LRRN1: variants seen among roughly 807,000 people sequenced by gnomAD.
LRRN1 encodes the protein leucine-rich repeat neuronal protein 1.
LRRN1 carries 14 observed loss-of-function variants against 45.8 expected under a neutral mutation model. The ratio of observed to expected loss-of-function variants is 0.31; its 90% CI spans 0.20 to 0.48. The LOEUF is 0.48. Among genes scored for constraint, LRRN1 ranks in the 20% least tolerant of loss-of-function variants. LRRN1 has a pLI of 0.99. For synonymous variants in LRRN1, 359 were observed against 330.1 expected (o/e 1.09, Z -0.95); for missense variants, 789 against 874.2 (o/e 0.90, Z 1.23).
At chr3:3,830,848 G>T (rs534721439) in intron 1 of LRRN1, among the ~76,000 whole-genome samples, 1 of 152,164 alleles carries the variant, frequency 6.6e-6, no homozygotes, top group Non-Finnish European at 1.5e-5. Flanking sequence ...GTGACCCATG[G>T]TCAAACGTTC....
intron 1 of LRRN1, chr3:3,827,157 T>G (rs1211503731): frequency 5.2e-6 from 1 of 191,966 alleles, no homozygotes; most frequent in Non-Finnish European, 1.1e-5. Flanking sequence ...TCATTCTAAT[T>G]CTCTCACAGT....
At chr3:3,827,055 C>T (rs575503313) in intron 1 of LRRN1, among the ~76,000 whole-genome samples, 2 of 152,284 alleles carry the variant, frequency 1.3e-5, no homozygotes, top group East Asian at 1.9e-4. Flanking sequence ...AGATTCAATA[C>T]GAGACATCAA....
intron 1 of LRRN1, among the ~76,000 whole-genome samples, chr3:3,830,520 T>C (rs1201709920): frequency 3.3e-5 from 5 of 152,182 alleles, no homozygotes; most frequent in Non-Finnish European, 7.3e-5. Flanking sequence ...CATTTTCAGG[T>C]GGTGTCTGCA....
intron 1 of LRRN1, 27 bp from the exon 2 acceptor site, chr3:3,844,337 T>C: frequency 3.6e-6 from 1 of 279,232 alleles, no homozygotes; most frequent in Non-Finnish European, 6.7e-6. Flanking sequence ...GGAATAAGCA[T>C]AACATCTGTC....
intron 1 of LRRN1, among the ~76,000 whole-genome samples, chr3:3,807,395 A>C (rs1431215253): frequency 6.6e-6 from 1 of 152,202 alleles, no homozygotes; most frequent in Non-Finnish European, 1.5e-5. Context: ...GGAGCGTTTT[A>C]ACTTTCCTAT....
intron 1 of LRRN1, among the ~76,000 whole-genome samples, chr3:3,832,014 G>C (rs544153800): frequency 6.6e-6 from 1 of 152,232 alleles, no homozygotes; most frequent in Non-Finnish European, 1.5e-5. Context: ...CAGGTACCAG[G>C]AGACGTGTTA....
intron 1 of LRRN1, among the ~76,000 whole-genome samples, chr3:3,802,204 G>A (rs758860102): frequency 1.3e-5 from 2 of 152,210 alleles, no homozygotes; most frequent in African/African-American, 2.4e-5. Flanking sequence ...CCTTTCTGCC[G>A]TGTCTAACAT....
At chr3:3,806,439 C>T (rs1202755020) in intron 1 of LRRN1, among the ~76,000 whole-genome samples, 1 of 152,178 alleles carries the variant, frequency 6.6e-6, no homozygotes, top group Non-Finnish European at 1.5e-5. Context: ...GACGATTTTC[C>T]ATCTAGCCTC....
At chr3:3,827,364 G>A in intron 1 of LRRN1, 1 of 449,996 alleles carries the variant, frequency 2.2e-6, no homozygotes, top group Non-Finnish European at 4.5e-6. Flanking sequence ...ATCAGCACTG[G>A]GGCCTGTAGC....
At chr3:3,826,282 T>C (rs950905092) in intron 1 of LRRN1, among the ~76,000 whole-genome samples, 3 of 152,138 alleles carry the variant, frequency 2.0e-5, no homozygotes, top group Non-Finnish European at 4.4e-5. Context: ...GAAGTAAAGT[T>C]TTCCATGACA....
chr3:3,803,262 G>T (rs970112883), intron 1 of LRRN1, among the ~76,000 whole-genome samples: 15 of 152,148 alleles, frequency 9.9e-5, no homozygotes, highest in African/African-American at 3.6e-4. Flanking sequence ...TCTCTACGGA[G>T]TTATATTGCT....
At chr3:3,805,820 T>G (rs1313998149) in intron 1 of LRRN1, among the ~76,000 whole-genome samples, 3 of 152,192 alleles carry the variant, frequency 2.0e-5, no homozygotes, top group Non-Finnish European at 2.9e-5. Context: ...ATTAAACATT[T>G]GTTCACCTCA....
chr3:3,809,326 T>C (rs1045871834), intron 1 of LRRN1, among the ~76,000 whole-genome samples: 9 of 152,126 alleles, frequency 5.9e-5, no homozygotes, highest in African/African-American at 2.2e-4. Flanking sequence ...GTATTTTTAG[T>C]AGAGACAGGG....
At chr3:3,802,054 CAA>C (rs1316332905) in intron 1 of LRRN1, among the ~76,000 whole-genome samples, 2 of 152,290 alleles carry the variant, frequency 1.3e-5, no homozygotes, top group African/African-American at 2.4e-5. Flanking sequence ...ACTGTCTAGC[CAA>C]AGTCATTTCG....
chr3:3,805,827 C>G (rs1047373077), intron 1 of LRRN1, among the ~76,000 whole-genome samples: 1 of 152,186 alleles, frequency 6.6e-6, no homozygotes, highest in Non-Finnish European at 1.5e-5. Flanking sequence ...ATTTGTTCAC[C>G]TCACAAGTAT....
intron 1 of LRRN1, among the ~76,000 whole-genome samples, chr3:3,812,616 C>G (rs1692899219): frequency 6.6e-6 from 1 of 152,148 alleles, no homozygotes; most frequent in Admixed American, 6.6e-5. Flanking sequence ...AGATATGTCA[C>G]CATGACAGAA....
chr3:3,817,695 T>TG (rs55978303), intron 1 of LRRN1, among the ~76,000 whole-genome samples: 19,762 of 151,936 alleles, frequency 0.13, 1,286 homozygotes, highest in Admixed American at 0.16. Flanking sequence ...GATGTTAGTT[T>TG]TTTTTTTTTT....
In LRRN1 at chr3:3,844,836, G is replaced by T. The variant is rs758100546; in HGVS notation, c.195G>T (p.Arg65Ser). The change falls in exon 2 of 2, where the codon AGG (arginine) becomes AGT (serine). Residue 65 changes from arginine to serine, a missense_variant. Arg to Ser is a moderately radical substitution (Grantham distance 110, BLOSUM62 -1). Transcript: ENST00000319331. ...ATTGCAATGACCTCCGCTTAACAAG[G>T]ATTCCCAGTAACCTCTCTAGTGACA... ...TVDCNDLRLT[R>S]IPSNLSSDTQ... 45 of 1,614,168 alleles carry T rather than the reference G, an allele frequency of 2.8e-5. No homozygotes were observed. The highest frequency in any genetic ancestry group is 3.8e-5 in the Non-Finnish European group (45 of 1,180,030).
In LRRN1 at chr3:3,845,345, T is replaced by C. The variant is rs1463679151; in HGVS notation, c.704T>C (p.Leu235Ser). 1.9e-6 allele frequency: 3 copies of C among 1,614,022 alleles called. No homozygotes were observed. The African/African-American group carries it at 4.0e-5, about 22-fold the overall frequency. Residue 235 changes from leucine to serine, a missense_variant, in exon 2 of 2, where the codon TTG becomes TCG. By Grantham distance (145) the Leu-to-Ser change is moderately radical (BLOSUM62 -2). Coordinates refer to ENST00000319331, the MANE Select transcript of LRRN1 (RefSeq NM_020873.7). The surrounding 1 kb of genome is among the most constrained non-coding windows in gnomAD (Gnocchi z 6.5). Reference sequence around the variant, plus strand: ...CTCACTGATATTCCTGGAAATGCTTTGGTGGGTCTGGATAGCCTTGAGAGC... The same window carrying C: ...CTCACTGATATTCCTGGAAATGCTTCGGTGGGTCTGGATAGCCTTGAGAGC... ...MYLTDIPGNA[L>S]VGLDSLESLS... is the part of the protein sequence containing the mutation.
Sources: gnomAD v4.1 joint callset for allele counts (sites outside exome capture counted in the v4.1 genomes callset) on GRCh38, gnomAD v4.1.1 for gene constraint, Gnocchi (gnomAD v3.1) non-coding constraint, MANE v1.5 for transcripts, NCBI Gene and HGNC (gene_info 2026-07-23, HGNC 2026-07-21) for gene names.